The following PHF24 variants were observed in gnomAD, a reference collection of about 807,000 sequenced individuals.
PHF24 encodes the protein Galpha inhibitory interacting protein.
PHF24 carries 25 observed loss-of-function variants against 42.6 expected under a neutral mutation model. That is an observed-to-expected ratio of 0.59 (90% CI 0.43 to 0.82). The LOEUF (loss-of-function observed/expected upper bound fraction) is 0.82, where lower values mean the gene tolerates loss of function less well. PHF24 is among the 40% of genes least tolerant of loss of function. The probability of loss-of-function intolerance (pLI) is 0.00; values close to 1 mark genes in which losing one functional copy is unlikely to be tolerated. For synonymous variants in PHF24, 185 were observed against 204.8 expected, an observed-to-expected ratio of 0.90 and a Z score of 0.83; for missense variants, 470 against 538.1, an observed-to-expected ratio of 0.87 and a Z score of 1.25.
chr9:34,757,584 A>G, the PHF24 span, among the ~76,000 whole-genome samples: 1 of 151,964 alleles, frequency 6.6e-6, no homozygotes, highest in Non-Finnish European at 1.5e-5. Context: ...TTTATGGGTT[A>G]GATTTCATAG....
At chr9:34,971,496 G>C in exon 2 of PHF24, 1 of 1,614,174 alleles carries the variant, frequency 6.2e-7, no homozygotes, top group South Asian at 1.1e-5. Flanking sequence ...CAGGAACCTC[G>C]GTGGTCCAGG....
the PHF24 span, among the ~76,000 whole-genome samples, chr9:34,909,780 C>T: frequency 6.6e-6 from 1 of 152,140 alleles, no homozygotes; most frequent in African/African-American, 2.4e-5. Context: ...CGCCACCATG[C>T]CTGGCTAATT....
chr9:34,778,994 C>G, the PHF24 span, among the ~76,000 whole-genome samples: 1 of 151,988 alleles, frequency 6.6e-6, no homozygotes, highest in Non-Finnish European at 1.5e-5. Context: ...GTAGATTAAA[C>G]AACATACTGC....
At chr9:34,725,118 G>C in the PHF24 span, 3 of 1,550,662 alleles carry the variant, frequency 1.9e-6, no homozygotes, top group Non-Finnish European at 2.6e-6. Flanking sequence ...GCCACTGCCA[G>C]GACCCCAGAA....
At chr9:34,813,538 A>G in the PHF24 span, among the ~76,000 whole-genome samples, 1,015 of 152,240 alleles carry the variant, frequency 6.7e-3, 8 homozygotes, top group Middle Eastern at 0.037. Flanking sequence ...TCTTCTTCCA[A>G]GCTCACTCAG....
chr9:34,771,288 C>T, the PHF24 span, among the ~76,000 whole-genome samples: 8 of 152,292 alleles, frequency 5.3e-5, no homozygotes, highest in African/African-American at 1.4e-4. Context: ...CTATATATTG[C>T]GTAGTCTATT....
chr9:34,753,513 ATTC>A, the PHF24 span, among the ~76,000 whole-genome samples: 10 of 152,140 alleles, frequency 6.6e-5, no homozygotes, highest in African/African-American at 2.2e-4. Flanking sequence ...ATAAAAATAT[ATTC>A]CATGCTCATG....
the PHF24 span, chr9:34,689,673 C>T: frequency 1.3e-5 from 11 of 875,540 alleles, no homozygotes; most frequent in Admixed American, 2.3e-4. The surrounding 1 kb of genome is among the most constrained non-coding windows in gnomAD (Gnocchi z 4.1). Flanking sequence ...CACACTCACA[C>T]ACACCCCAGG....
chr9:34,712,390 T>C, the PHF24 span, among the ~76,000 whole-genome samples: 2 of 152,194 alleles, frequency 1.3e-5, no homozygotes, highest in Non-Finnish European at 2.9e-5. Context: ...TTTAATGCCC[T>C]GTTCCCTCTC....
At chr9:34,880,035 G>A in the PHF24 span, among the ~76,000 whole-genome samples, 7 of 152,194 alleles carry the variant, frequency 4.6e-5, 1 homozygote, top group East Asian at 1.3e-3. Flanking sequence ...AAGAGAGTGG[G>A]GGCCAATATT....
the PHF24 span, among the ~76,000 whole-genome samples, chr9:34,915,775 G>A: frequency 6.6e-6 from 1 of 152,142 alleles, no homozygotes; most frequent in African/African-American, 2.4e-5. Flanking sequence ...TTTGATGATT[G>A]GATTCGTCCT....
chr9:34,703,538 T>G, the PHF24 span, among the ~76,000 whole-genome samples: 1 of 151,972 alleles, frequency 6.6e-6, no homozygotes, highest in African/African-American at 2.4e-5. Context: ...ATCACAGCCC[T>G]CTAAAAGGAT....
At chr9:34,894,546 A>T in the PHF24 span, 50 of 398,418 alleles carry the variant, frequency 1.3e-4, no homozygotes, top group Admixed American at 5.7e-4. Flanking sequence ...ACTGGAGAGG[A>T]TTCAGGGACA....
At chr9:34,900,226 A>G in the PHF24 span, among the ~76,000 whole-genome samples, 1 of 144,490 alleles carries the variant, frequency 6.9e-6, no homozygotes, top group South Asian at 2.2e-4. Flanking sequence ...GAACTTTGGG[A>G]AAAAAGAGAG....
the PHF24 span, among the ~76,000 whole-genome samples, chr9:34,903,443 G>A: frequency 6.6e-6 from 1 of 152,196 alleles, no homozygotes; most frequent in Non-Finnish European, 1.5e-5. Flanking sequence ...GCATGCTTCT[G>A]TAGCCCTAGC....
the PHF24 span, among the ~76,000 whole-genome samples, chr9:34,883,518 G>A: frequency 1.3e-5 from 2 of 152,094 alleles, no homozygotes; most frequent in African/African-American, 2.4e-5. Context: ...AAATTTACAA[G>A]AAAAAATCAA....
the PHF24 span, among the ~76,000 whole-genome samples, chr9:34,762,726 C>T: frequency 6.6e-6 from 1 of 151,594 alleles, no homozygotes; most frequent in Non-Finnish European, 1.5e-5. Context: ...TCGATTTTGG[C>T]TTTTGTTGCC....
At chr9:34,904,086 G>C in the PHF24 span, among the ~76,000 whole-genome samples, 2 of 152,130 alleles carry the variant, frequency 1.3e-5, no homozygotes, top group African/African-American at 4.8e-5. Context: ...TTCTGGAGGA[G>C]TCTTTAGGGT....
At chr9:34,794,179 C>G in the PHF24 span, among the ~76,000 whole-genome samples, 81,186 of 151,820 alleles carry the variant, frequency 0.53, 23,214 homozygotes, top group Non-Finnish European at 0.64. Flanking sequence ...GTGGAATAGG[C>G]CACTGCCCAA....
Sources: gnomAD v4.1 joint callset for allele counts (sites outside exome capture counted in the v4.1 genomes callset) on GRCh38, gnomAD v4.1.1 for gene constraint, Gnocchi (gnomAD v3.1) non-coding constraint, MANE v1.5 for transcripts, NCBI Gene and HGNC (gene_info 2026-07-23, HGNC 2026-07-21) for gene names.